ATXN7L1: variants seen among roughly 807,000 people sequenced by gnomAD.
ATXN7L1 encodes the protein ataxin-7-like protein 1.
A neutral mutation model predicts 70.8 loss-of-function variants in ATXN7L1; 15 were observed. The observed-to-expected ratio is 0.21, with a 90% CI of 0.14 to 0.33. ATXN7L1 has a LOEUF of 0.33. ATXN7L1 is among the 10% of genes least tolerant of loss of function. The probability of loss-of-function intolerance (pLI) is 1.00; values close to 1 mark genes in which losing one functional copy is unlikely to be tolerated. For synonymous variants in ATXN7L1, 440 were observed against 445.1 expected, an observed-to-expected ratio of 0.99 and a Z score of 0.14; for missense variants, 975 against 1,097.1, an observed-to-expected ratio of 0.89 and a Z score of 1.57.
intron 2 of ATXN7L1, among the ~76,000 whole-genome samples, chr7:105,829,333 C>T (rs1234055173): frequency 6.6e-6 from 1 of 152,122 alleles, no homozygotes; most frequent in Admixed American, 6.5e-5. Context: ...GTCCCAGCTA[C>T]GCGGGAGGCT....
At chr7:105,641,210 CTCTCTTTTTTTTTTTTTTTT>C (rs1798146788) in intron 5 of ATXN7L1, among the ~76,000 whole-genome samples, 1 of 60,630 alleles carries the variant, frequency 1.6e-5, no homozygotes, top group Non-Finnish European at 3.5e-5. Flanking sequence ...CTCTCTCTCT[CTCTCTTTTTTTTTTTTTTTT>C]TTTTTTTTTT....
At chr7:105,708,977 C>T (rs994459647) in intron 3 of ATXN7L1, among the ~76,000 whole-genome samples, 1 of 152,178 alleles carries the variant, frequency 6.6e-6, no homozygotes, top group Non-Finnish European at 1.5e-5. Context: ...ACTCCAGTCT[C>T]TTGTTAAAAT....
intron 4 of ATXN7L1, 112 bp downstream of exon 4, chr7:105,664,954 A>C: frequency 2.7e-6 from 3 of 1,103,304 alleles, no homozygotes; most frequent in Non-Finnish European, 3.9e-6. Flanking sequence ...AGTCCCCCAA[A>C]TTCCTGCATG....
At chr7:105,787,605 C>T (rs79855517) in intron 3 of ATXN7L1, among the ~76,000 whole-genome samples, 2,580 of 152,202 alleles carry the variant, frequency 0.017, 112 homozygotes, top group East Asian at 0.16. Flanking sequence ...GCTCAACTCC[C>T]TTTATTTTAT....
chr7:105,748,155 G>T (rs566296398), intron 3 of ATXN7L1, among the ~76,000 whole-genome samples: 1 of 149,926 alleles, frequency 6.7e-6, no homozygotes, highest in Non-Finnish European at 1.5e-5. Flanking sequence ...GTTGATGATT[G>T]TTGTGGTGTA....
At chr7:105,816,814 C>A (rs146495175) in intron 2 of ATXN7L1, among the ~76,000 whole-genome samples, 5 of 152,322 alleles carry the variant, frequency 3.3e-5, no homozygotes, top group African/African-American at 1.2e-4. Flanking sequence ...GCAGGGAGCA[C>A]GGTGAGATGC....
intron 3 of ATXN7L1, among the ~76,000 whole-genome samples, chr7:105,700,176 G>A (rs1792251709): frequency 6.6e-6 from 1 of 152,096 alleles, no homozygotes; most frequent in African/African-American, 2.4e-5. Flanking sequence ...TTTTGTGAAA[G>A]GAATATTCCA....
intron 3 of ATXN7L1, among the ~76,000 whole-genome samples, chr7:105,694,006 G>C (rs1791381961): frequency 6.6e-6 from 1 of 151,736 alleles, no homozygotes; most frequent in Admixed American, 6.6e-5. Flanking sequence ...GGGTGGAAGG[G>C]ATGCAGCAAG....
chr7:105,645,314 A>C (rs1385487656), intron 4 of ATXN7L1, among the ~76,000 whole-genome samples: 1 of 152,224 alleles, frequency 6.6e-6, no homozygotes, highest in East Asian at 1.9e-4. Flanking sequence ...AAAAAAATGC[A>C]AATTACAAAA....
At chr7:105,629,891 C>T (rs1796339427) in intron 7 of ATXN7L1, among the ~76,000 whole-genome samples, 1 of 151,730 alleles carries the variant, frequency 6.6e-6, no homozygotes, top group Non-Finnish European at 1.5e-5. Flanking sequence ...AGTCTTGGCT[C>T]ACTGCAACCT....
intron 4 of ATXN7L1, among the ~76,000 whole-genome samples, chr7:105,663,005 C>T (rs1360403284): frequency 2.6e-5 from 4 of 152,162 alleles, no homozygotes; most frequent in African/African-American, 9.7e-5. Context: ...AATGGAAGCA[C>T]AATAAGATCA....
At chr7:105,653,178 C>T (rs1047398456) in intron 4 of ATXN7L1, among the ~76,000 whole-genome samples, 4 of 151,972 alleles carry the variant, frequency 2.6e-5, no homozygotes, top group Non-Finnish European at 5.9e-5. Context: ...AATATCAGGC[C>T]GGGCATGGTG....
intron 3 of ATXN7L1, among the ~76,000 whole-genome samples, chr7:105,774,325 A>T (rs1802420440): frequency 6.7e-6 from 1 of 149,468 alleles, no homozygotes; most frequent in Non-Finnish European, 1.5e-5. Context: ...AGGTCACAGG[A>T]TTAGGGTGTC....
intron 4 of ATXN7L1, among the ~76,000 whole-genome samples, chr7:105,650,152 G>C (rs1799630400): frequency 6.6e-6 from 1 of 152,178 alleles, no homozygotes; most frequent in African/African-American, 2.4e-5. Context: ...AAGTACTTGG[G>C]AGATTCTAGA....
chr7:105,805,240 T>G (rs1807392688), intron 2 of ATXN7L1, among the ~76,000 whole-genome samples: 1 of 152,144 alleles, frequency 6.6e-6, no homozygotes. Flanking sequence ...CTGGCTAAGG[T>G]GCCAAGGGCT....
chr7:105,725,383 C>T (rs1298418989), intron 3 of ATXN7L1, among the ~76,000 whole-genome samples: 1 of 152,144 alleles, frequency 6.6e-6, no homozygotes, highest in African/African-American at 2.4e-5. Context: ...GGGAATAAAC[C>T]ATTAATGATT....
intron 2 of ATXN7L1, among the ~76,000 whole-genome samples, chr7:105,813,658 T>C (rs999412860): frequency 2.6e-5 from 4 of 152,192 alleles, no homozygotes; most frequent in Admixed American, 2.0e-4. Flanking sequence ...ATTTTAATAA[T>C]GCACACTAGA....
At chr7:105,657,702 CAAAAAAAAAAAA>C (rs71155465) in intron 4 of ATXN7L1, among the ~76,000 whole-genome samples, 6 of 26,108 alleles carry the variant, frequency 2.3e-4, no homozygotes, top group African/African-American at 8.4e-4. Flanking sequence ...GACCCTGTCT[CAAAAAAAAAAAA>C]AAAAAAAAAA....
intron 2 of ATXN7L1, among the ~76,000 whole-genome samples, chr7:105,831,415 C>G (rs1413921635): frequency 6.6e-6 from 1 of 152,174 alleles, no homozygotes; most frequent in Non-Finnish European, 1.5e-5. Flanking sequence ...CAATTTCCAA[C>G]TCTGTGGGCT....
Sources: gnomAD v4.1 joint callset for allele counts (sites outside exome capture counted in the v4.1 genomes callset) on GRCh38, gnomAD v4.1.1 for gene constraint, MANE v1.5 for transcripts, NCBI Gene and HGNC (gene_info 2026-07-23, HGNC 2026-07-21) for gene names.